The following SPATA17 variants were observed in gnomAD, a reference collection of about 807,000 sequenced individuals.
The protein encoded by SPATA17 is spermatogenesis associated 17, also known as spermatogenesis-associated protein 17.
Under a neutral mutation model 62.2 loss-of-function variants are expected in SPATA17, and 53 were observed. That is an observed-to-expected ratio of 0.85 (90% CI 0.68 to 1.07). The LOEUF (loss-of-function observed/expected upper bound fraction) is 1.07, where lower values mean the gene tolerates loss of function less well. SPATA17 is among the 50% of genes least tolerant of loss of function. SPATA17 has a pLI of 0.00. For synonymous variants in SPATA17, 146 were observed against 146.8 expected, an observed-to-expected ratio of 0.99 and a Z score of 0.04; for missense variants, 466 against 425.5, an observed-to-expected ratio of 1.10 and a Z score of -0.84.
chr1:217,766,681 A>T (rs4584456), intron 6 of SPATA17, among the ~76,000 whole-genome samples: 32,540 of 150,190 alleles, frequency 0.22, 4,140 homozygotes, highest in East Asian at 0.52. Context: ...CCCTTTTTTT[A>T]AAAAAATGTA....
chr1:217,771,162 T>C (rs552571415), intron 6 of SPATA17, among the ~76,000 whole-genome samples: 5 of 151,558 alleles, frequency 3.3e-5, no homozygotes, highest in Non-Finnish European at 7.4e-5. Context: ...TGAGATTTCC[T>C]GGGTCTTATT....
At chr1:217,734,260 C>T (rs1672459260) in intron 5 of SPATA17, among the ~76,000 whole-genome samples, 1 of 152,150 alleles carries the variant, frequency 6.6e-6, no homozygotes, top group Non-Finnish European at 1.5e-5. Context: ...TGAACATATT[C>T]AGAGCAGACA....
chr1:217,759,527 C>T (rs996232425), intron 6 of SPATA17, among the ~76,000 whole-genome samples: 1 of 151,900 alleles, frequency 6.6e-6, no homozygotes, highest in African/African-American at 2.4e-5. Flanking sequence ...TTAAGGAAAA[C>T]CTTTCTGTGG....
intron 5 of SPATA17, among the ~76,000 whole-genome samples, chr1:217,723,493 G>A (rs535162297): frequency 2.0e-5 from 3 of 152,126 alleles, no homozygotes; most frequent in South Asian, 4.2e-4. Flanking sequence ...GTAATTCTCC[G>A]TAATTTTCCT....
rs566582513 is a variant in SPATA17 at position 217,743,021 on chromosome 1, A to C, written c.519+923A>C. ...TGGAGTGTAGATCTCCCGCATCTCT[A>C]GCCTGTGCTTGGTAGTCTAAATACC... On this transcript the variant is annotated intron_variant, in intron 6 of 10. Coordinates refer to ENST00000366933, the MANE Select transcript of SPATA17 (RefSeq NM_138796.4). Among the ~76,000 whole-genome samples, 6 of 92,416 alleles carry C rather than the reference A, an allele frequency of 6.5e-5. No homozygotes were observed. The South Asian group carries it at 1.0e-3, about 16-fold the overall frequency. 60.6% of individuals were successfully genotyped at this position (92,416 alleles called of 152,430 possible).
intron 9 of SPATA17, among the ~76,000 whole-genome samples, chr1:217,850,168 A>G (rs1288546387): frequency 1.3e-5 from 2 of 152,174 alleles, no homozygotes; most frequent in African/African-American, 4.8e-5. Flanking sequence ...CTAATGAATA[A>G]TTTCAAAGTA....
chr1:217,850,894 A>T (rs535973375), intron 9 of SPATA17, among the ~76,000 whole-genome samples: 87 of 152,268 alleles, frequency 5.7e-4, no homozygotes, highest in African/African-American at 2.1e-3. Flanking sequence ...CAAAACAAAA[A>T]AAATATAAAA....
intron 9 of SPATA17, chr1:217,850,574 A>T: frequency 6.3e-7 from 1 of 1,595,946 alleles, no homozygotes; most frequent in Non-Finnish European, 8.6e-7. Flanking sequence ...CGATGGTGTC[A>T]CTGGGCTCCA....
At chr1:217,851,711 A>G (rs760148856) in intron 9 of SPATA17, among the ~76,000 whole-genome samples, 32 of 152,214 alleles carry the variant, frequency 2.1e-4, no homozygotes, top group Non-Finnish European at 4.3e-4. Flanking sequence ...ACATTCTCAC[A>G]GTAAAAGAGT....
At chr1:217,708,745 G>A (rs2102924894) in intron 5 of SPATA17, among the ~76,000 whole-genome samples, 1 of 151,944 alleles carries the variant, frequency 6.6e-6, no homozygotes, top group African/African-American at 2.4e-5. Flanking sequence ...AAAACTTCAG[G>A]CCGATATCCT....
chr1:217,863,243 C>G (rs1675935574), intron 10 of SPATA17, among the ~76,000 whole-genome samples: 1 of 151,560 alleles, frequency 6.6e-6, no homozygotes, highest in Non-Finnish European at 1.5e-5. Flanking sequence ...CTGCCTCAGC[C>G]TCCAGAGTGT....
At chr1:217,755,287 CAGTT>C (rs1558037163) in intron 6 of SPATA17, among the ~76,000 whole-genome samples, 1 of 151,816 alleles carries the variant, frequency 6.6e-6, no homozygotes, top group Non-Finnish European at 1.5e-5. Context: ...TATCTTTTGA[CAGTT>C]AGAAATATTT....
intron 3 of SPATA17, among the ~76,000 whole-genome samples, chr1:217,658,411 C>T (rs1327208048): frequency 6.6e-6 from 1 of 152,168 alleles, no homozygotes; most frequent in Non-Finnish European, 1.5e-5. Context: ...AGAAGCGGAG[C>T]AGATGCTGAT....
At chr1:217,653,350 G>A (rs1434184915) in intron 3 of SPATA17, among the ~76,000 whole-genome samples, 1 of 152,114 alleles carries the variant, frequency 6.6e-6, no homozygotes, top group Admixed American at 6.5e-5. Context: ...GAGACTTTCA[G>A]GGTTTAAGTG....
At chr1:217,727,376 A>G (rs1300408910) in intron 5 of SPATA17, among the ~76,000 whole-genome samples, 1 of 151,534 alleles carries the variant, frequency 6.6e-6, no homozygotes, top group Non-Finnish European at 1.5e-5. Flanking sequence ...TCTCATTGAG[A>G]TATGGAAGTT....
chr1:217,663,222 A>T (rs377096932), intron 3 of SPATA17, among the ~76,000 whole-genome samples: 1 of 152,136 alleles, frequency 6.6e-6, no homozygotes, highest in Non-Finnish European at 1.5e-5. Flanking sequence ...GCGCAGGCAG[A>T]TCACCTGAGG....
intron 6 of SPATA17, among the ~76,000 whole-genome samples, chr1:217,768,728 A>G (rs941759426): frequency 6.6e-6 from 1 of 151,900 alleles, no homozygotes; most frequent in Non-Finnish European, 1.5e-5. Flanking sequence ...TCCTGACCTC[A>G]TGATCCACCT....
chr1:217,684,422 A>AT (rs905937479), intron 5 of SPATA17, among the ~76,000 whole-genome samples: 45 of 149,544 alleles, frequency 3.0e-4, no homozygotes, highest in African/African-American at 6.4e-4. Context: ...TTACTCTTTT[A>AT]TTTTTTTTTT....
intron 5 of SPATA17, among the ~76,000 whole-genome samples, chr1:217,728,986 G>C (rs61825783): frequency 0.14 from 21,196 of 152,120 alleles, 1,541 homozygotes; most frequent in Non-Finnish European, 0.16. Flanking sequence ...TCTGTGGCAA[G>C]AGTTTGTGCA....
Sources: allele counts gnomAD v4.1 joint callset (sites outside exome capture counted in the v4.1 genomes callset), GRCh38; gene constraint gnomAD v4.1.1; transcripts MANE v1.5; gene names NCBI Gene and HGNC (gene_info 2026-07-23, HGNC 2026-07-21).